The following TTN variants were observed in gnomAD, a reference collection of about 807,000 sequenced individuals.
TTN encodes the protein titin, also known as connectin.
Under a neutral mutation model 3,223.0 loss-of-function variants are expected in TTN, and 1,525 were observed. That is an observed-to-expected ratio of 0.47 (90% CI 0.45 to 0.49). The LOEUF (loss-of-function observed/expected upper bound fraction) is 0.49. Among genes scored for constraint, TTN ranks in the 20% least tolerant of loss-of-function variants. The pLI is 0.00. For missense variants in TTN, 40,786 were observed against 43,424.0 expected (o/e 0.94, Z 5.40); for synonymous variants, 14,094 against 15,161.0 (o/e 0.93, Z 5.17).
chr2:178,634,851 T>A lies in TTN; in HGVS notation c.42025-2A>T. On this transcript the variant is annotated splice_acceptor_variant, in intron 228 of 362. Transcript: ENST00000589042. LOFTEE classifies it high-confidence loss of function. The surrounding 1 kb of genome is among the most constrained non-coding windows in gnomAD (Gnocchi z 4.6). ...ACCTTCTGCTTTGATTTCACAAGTC[T>A]GAAAAACAATAGTTTTAGTAACCAT... 6.2e-7 allele frequency: 1 copy of A among 1,604,694 alleles called. No homozygotes were observed.
At chr2:178,768,629 T>C (rs752897622) in intron 38 of TTN, 44 bp downstream of exon 38, 131 of 1,613,200 alleles carry the variant, frequency 8.1e-5, no homozygotes, top group Middle Eastern at 1.7e-4. Context: ...TTATAAAGCA[T>C]GTATGACATT....
rs776232028 is a variant in TTN at position 178,667,736 on chromosome 2, G to T, written c.35546-15C>A. ...TGCTTCATAAACTTTAAAGATATTA[G>T]TATTTAAATAATTAGGATGTTTCAA... On this transcript the variant is annotated splice_polypyrimidine_tract_variant and intron_variant, in intron 159 of 362. Coordinates refer to ENST00000589042, the MANE Select transcript of TTN (RefSeq NM_001267550.2). 7 of 1,495,656 alleles carry T rather than the reference G, an allele frequency of 4.7e-6. No individual in the cohort carries two copies. Among genetic ancestry groups the T allele is most frequent in the Non-Finnish European group, 4.6e-6 (5 of 1,098,034 alleles). 92.6% of individuals were successfully genotyped at this position (1,495,656 alleles called of 1,614,324 possible). A position where few individuals can be genotyped will look rare whatever the true frequency, so the allele number is the denominator to read the frequency against.
In TTN at chr2:178,582,138, C is replaced by A; in HGVS notation, c.66231G>T (p.Lys22077Asn). 6.2e-7 allele frequency: 1 copy of A among 1,612,718 alleles called. No individual in the cohort carries two copies. Among genetic ancestry groups the A allele is most frequent in the Non-Finnish European group, 8.5e-7 (1 of 1,179,536 alleles). ...ITKDHMTVSW[K>N]PPADDGGSPI... ...GTGAGCCCCCATCATCTGCTGGTGGCTTCCAGCTGACTGTCATGTGATCTT... is the reference window on the plus strand; with the variant it reads ...GTGAGCCCCCATCATCTGCTGGTGGATTCCAGCTGACTGTCATGTGATCTT... The change falls in exon 315 of 363, where the codon AAG (lysine) becomes AAT (asparagine). Residue 22077 changes from lysine (K) to asparagine (N), a missense_variant. Transcript: ENST00000589042.
Position 178,598,589 on chromosome 2 carries a change from A to C in TTN, c.57028T>G (p.Ser19010Ala), listed in dbSNP as rs758709446. Residue 19010 changes from serine to alanine, a missense_variant, in exon 292 of 363, where the codon TCT (serine) becomes GCT (alanine). Transcript: ENST00000589042. ...WTKSSADLEW[S>A]PPLKDGGSKV... Reference sequence around the variant, plus strand: ...GATCCACCATCTTTTAGTGGGGGAGACCACTCCAGATCTGCAGATGATTTA... The same window carrying C: ...GATCCACCATCTTTTAGTGGGGGAGCCCACTCCAGATCTGCAGATGATTTA... 6.2e-7 allele frequency: 1 copy of C among 1,608,822 alleles called. No homozygotes were observed. Among genetic ancestry groups the C allele is most frequent in the East Asian group, 2.2e-5 (1 of 44,602 alleles).
chr2:178,694,897 T>C lies in TTN; in HGVS notation c.31280A>G (p.Lys10427Arg). 1 of 1,553,222 alleles carries C rather than the reference T, an allele frequency of 6.4e-7. No individual in the cohort carries two copies. The highest frequency in any genetic ancestry group is 8.7e-7 in the Non-Finnish European group (1 of 1,147,168). Reference sequence around the variant, plus strand: ...CTTTTCAATTTTTTCAATTACTGGCTTCTTTATAACTGCAAGCATTTTAGA... The same window carrying C: ...CTTTTCAATTTTTTCAATTACTGGCCTCTTTATAACTGCAAGCATTTTAGA... ...KAPPPPKVIK[K>R]PVIEKIEKTS... The change falls in exon 116 of 363, where the codon AAG becomes AGG. Residue 10427 changes from lysine to arginine, a missense_variant. Transcript: ENST00000589042.
intron 215 of TTN, 26 bp from the exon 216 acceptor site, chr2:178,646,585 T>G: frequency 7.0e-7 from 1 of 1,421,362 alleles, no homozygotes; most frequent in Non-Finnish European, 9.7e-7. Flanking sequence ...ACAAAGGAGA[T>G]GAGGTTGCAA....
rs1453619768 is a variant in TTN, at chr2:178,675,653, T to A, written c.34537+18A>T. 7.2e-7 allele frequency: 1 copy of A among 1,393,378 alleles called. No individual in the cohort carries two copies. The highest frequency in any genetic ancestry group is 9.3e-7 in the Non-Finnish European group (1 of 1,078,378). 86.3% of individuals were successfully genotyped at this position (1,393,378 alleles called of 1,614,324 possible). On this transcript the variant is annotated intron_variant, in intron 149 of 362. Coordinates refer to ENST00000589042, the MANE Select transcript of TTN (RefSeq NM_001267550.2). ...AACATCGGTGCAGCAAACATATCCC[T>A]GTTATGGGATGATGTACCTTTGGCA...
rs1214322883 is a variant in TTN, at chr2:178,745,591, T to G, written c.11312-3670A>C. The stretch of plus-strand genomic sequence containing the variant: ...GGCACTAAAACATTACATTTTAAGT[T>G]AAGGTGAGTGCTGCAAAGCTCTCAG... On this transcript the variant is annotated intron_variant, in intron 47 of 362. Coordinates refer to ENST00000589042, the MANE Select transcript of TTN (RefSeq NM_001267550.2). The G allele has an allele frequency of 1.9e-6, 3 of 1,612,520 alleles. No homozygotes were observed. The South Asian group carries it at 3.3e-5, about 18-fold the overall frequency.
Position 178,595,817 on chromosome 2 carries a change from T to G in TTN, c.57545-8A>C. 1.3e-6 allele frequency: 2 copies of G among 1,580,928 alleles called. No individual in the cohort carries two copies. Among genetic ancestry groups the G allele is most frequent in the Non-Finnish European group, 1.7e-6 (2 of 1,163,646 alleles). On this transcript the variant is annotated splice_region_variant and splice_polypyrimidine_tract_variant and intron_variant, in intron 294 of 362. Transcript: ENST00000589042. ...CAACGGGACCTGGAACATCTGGAAA[T>G]AAGAAGAAAATAATTCAAGCTGTTT...
rs72648283 is a variant in TTN, at chr2:178,536,374, A to G, written c.100373T>C (p.Ile33458Thr). The change falls in exon 357 of 363, where the codon ATT (isoleucine) becomes ACT (threonine). Residue 33458 changes from isoleucine to threonine, a missense_variant. Coordinates refer to ENST00000589042, the MANE Select transcript of TTN (RefSeq NM_001267550.2). Reference sequence around the variant, plus strand: ...ACGAAACTCGTATTCAAGACCTTCAATAAGGTTTTTCACTGAAAAGACAGT... The same window carrying G: ...ACGAAACTCGTATTCAAGACCTTCAGTAAGGTTTTTCACTGAAAAGACAGT... ...RETVFSVKNL[I>T]EGLEYEFRVK... is the part of the protein sequence containing the mutation. 14 of 1,613,660 alleles carry G rather than the reference A, an allele frequency of 8.7e-6. No individual in the cohort carries two copies. The highest frequency in any genetic ancestry group is 3.3e-5 in the South Asian group (3 of 91,076).
In TTN at chr2:178,589,837, C is replaced by T; in HGVS notation, c.61888G>A (p.Ala20630Thr). 6.2e-7 allele frequency: 1 copy of T among 1,613,460 alleles called. No individual in the cohort carries two copies. Among genetic ancestry groups the T allele is most frequent in the Non-Finnish European group, 8.5e-7 (1 of 1,179,596 alleles). Residue 20630 changes from alanine (A) to threonine (T), a missense_variant, in exon 304 of 363, where the codon GCC becomes ACC. Transcript: ENST00000589042. ...ASDVTKRLIK[A>T]NLLANNEYYF... ...TATTCATTGTTGGCTAAAAGGTTGG[C>T]CTTGATTAATCGTTTAGTGACATCT... is the stretch of plus-strand genomic sequence containing the variant.
chr2:178,695,831 AAAG>A, intron 114 of TTN, 31 bp downstream of exon 114: 1 of 1,364,056 alleles, frequency 7.3e-7, no homozygotes, highest in Non-Finnish European at 9.5e-7. Context: ...AAAATGAAGA[AAAG>A]AGGGAAACAA....
intron 44 of TTN, 49 bp from the exon 45 acceptor site, chr2:178,757,965 A>G: frequency 6.7e-7 from 1 of 1,498,044 alleles, no homozygotes; most frequent in Non-Finnish European, 8.9e-7. Flanking sequence ...CACTGAAACC[A>G]GAACTCATTT....
In TTN at chr2:178,611,640, A is replaced by G. The variant is rs2154199861; in HGVS notation, c.50589T>C (p.Asp16863=). ...CAATGGCAATGTGTTTTCTCCCAGC[A>G]TCAGTCACATGTAGGTCAAGGGGTG... ...PSPPLDLHVT[D]AGRKHIAIAW... is the part of the protein sequence containing the mutation. Residue 16863 remains aspartate (D), a synonymous_variant, in exon 269 of 363, where the codon GAT becomes GAC. Coordinates refer to ENST00000589042, the MANE Select transcript of TTN (RefSeq NM_001267550.2). 1 of 1,613,058 alleles carries G rather than the reference A, an allele frequency of 6.2e-7. No individual in the cohort carries two copies. The highest frequency in any genetic ancestry group is 8.5e-7 in the Non-Finnish European group (1 of 1,179,350).
Position 178,714,559 on chromosome 2 carries a change from C to A in TTN, c.26215G>T (p.Val8739Leu). ...GTAGATATGTCACTGAGCTTCTTCACAAATCTTGGTGGTGCTGATGAAAAA... is the reference window on the plus strand; with the variant it reads ...GTAGATATGTCACTGAGCTTCTTCAAAAATCTTGGTGGTGCTGATGAAAAA... ...SIALKAPPRF[V>L]KKLSDISTVV... is the part of the protein sequence containing the mutation. The change falls in exon 91 of 363, where the codon GTG becomes TTG. Residue 8739 changes from valine to leucine, a missense_variant. Coordinates refer to ENST00000589042, the MANE Select transcript of TTN (RefSeq NM_001267550.2). The A allele has an allele frequency of 6.2e-7, 1 of 1,602,704 alleles. No homozygotes were observed.
intron 257 of TTN, among the ~76,000 whole-genome samples, chr2:178,616,215 G>A (rs1451317144): frequency 1.3e-5 from 2 of 151,824 alleles, no homozygotes; most frequent in African/African-American, 4.8e-5. Context: ...TGGGTACTTA[G>A]CAGGTACCAA....
At position 178,593,625 on chromosome 2, in the gene TTN, G is replaced by T; in HGVS notation, c.58675C>A (p.Leu19559Met). Reference sequence around the variant, plus strand: ...ACCAGAGGATCACTTATTCCATACAGATTTTCAGCATGTATCCGGAAAATA... The same window carrying T: ...ACCAGAGGATCACTTATTCCATACATATTTTCAGCATGTATCCGGAAAATA... Reference protein sequence around the residue: ...DYIFRIHAENLYGISDPLVSD... With the variant: ...DYIFRIHAENMYGISDPLVSD... Residue 19559 changes from leucine (L) to methionine (M), a missense_variant, in exon 298 of 363, where the codon CTG (leucine) becomes ATG (methionine). Leu to Met is a conservative substitution (Grantham distance 15). Coordinates refer to ENST00000589042, the MANE Select transcript of TTN (RefSeq NM_001267550.2). The T allele has an allele frequency of 6.2e-7, 1 of 1,612,942 alleles. No individual in the cohort carries two copies. The highest frequency in any genetic ancestry group is 1.3e-5 in the African/African-American group (1 of 75,004).
intron 201 of TTN, 49 bp from the exon 202 acceptor site, chr2:178,652,590 G>A: frequency 1.2e-6 from 2 of 1,608,314 alleles, no homozygotes; most frequent in Admixed American, 1.7e-5. Context: ...AAGACCATTA[G>A]GAAAAATATT....
chr2:178,562,697 G>A lies in TTN; in HGVS notation c.83435C>T (p.Ala27812Val), dbSNP rs1041573926. The change falls in exon 326 of 363, where the codon GCC (alanine) becomes GTC (valine). Residue 27812 changes from alanine (A) to valine (V), a missense_variant. Ala to Val is a moderately conservative substitution (Grantham distance 64). Coordinates refer to ENST00000589042, the MANE Select transcript of TTN (RefSeq NM_001267550.2). ...IVEKRETTRK[A>V]YATITNNCTK... ...GCAATTATTTGTAATGGTAGCATAG[G>A]CTTTTCTTGTAGTTTCTCGTTTTTC... 6.3e-7 allele frequency: 1 copy of A among 1,596,168 alleles called. No individual in the cohort carries two copies.
Sources: allele counts gnomAD v4.1 joint callset (sites outside exome capture counted in the v4.1 genomes callset), GRCh38; gene constraint gnomAD v4.1.1; non-coding constraint Gnocchi (gnomAD v3.1); transcripts MANE v1.5; gene names NCBI Gene and HGNC (gene_info 2026-07-23, HGNC 2026-07-21).